The following VSTM4 variants were observed in gnomAD, a reference collection of about 807,000 sequenced individuals.
The protein encoded by VSTM4 is V-set and transmembrane domain-containing protein 4.
VSTM4 carries 20 observed loss-of-function variants against 36.4 expected under a neutral mutation model. The ratio of observed to expected loss-of-function variants is 0.55; its 90% CI spans 0.39 to 0.80. The LOEUF is 0.80. Among genes scored for constraint, VSTM4 ranks in the 30% least tolerant of loss-of-function variants. VSTM4 has a pLI of 0.00. For missense variants in VSTM4, 392 were observed against 404.5 expected (o/e 0.97, Z 0.26); for synonymous variants, 182 against 173.9 (o/e 1.05, Z -0.37).
intron 1 of VSTM4, 38 bp downstream of exon 1, chr10:49,115,393 C>A: frequency 9.9e-7 from 1 of 1,010,188 alleles, no homozygotes; most frequent in Non-Finnish European, 1.2e-6. Flanking sequence ...CGCCCGGCCC[C>A]CACCCTTCCC....
intron 4 of VSTM4, among the ~76,000 whole-genome samples, chr10:49,069,030 C>A (rs912330220): frequency 4.6e-5 from 7 of 152,158 alleles, no homozygotes; most frequent in African/African-American, 1.7e-4. Flanking sequence ...CACCCCCACC[C>A]TTTCTTCTTC....
intron 7 of VSTM4, among the ~76,000 whole-genome samples, chr10:49,030,664 G>A (rs374111745): frequency 6.6e-6 from 1 of 152,300 alleles, no homozygotes; most frequent in African/African-American, 2.4e-5. Flanking sequence ...AGGTCCTTGA[G>A]TCCAAAAAGT....
At chr10:49,097,864 G>T (rs1220694744) in intron 2 of VSTM4, among the ~76,000 whole-genome samples, 1 of 152,190 alleles carries the variant, frequency 6.6e-6, no homozygotes, top group African/African-American at 2.4e-5. Flanking sequence ...CTAAAATTGT[G>T]ACTCAACTAC....
intron 3 of VSTM4, among the ~76,000 whole-genome samples, chr10:49,085,160 C>A (rs1844347938): frequency 6.6e-6 from 1 of 152,370 alleles, no homozygotes; most frequent in East Asian, 1.9e-4. Flanking sequence ...TAAGCTAGGG[C>A]AGGGCACAGC....
intron 2 of VSTM4, among the ~76,000 whole-genome samples, chr10:49,093,130 T>G (rs1038662477): frequency 6.6e-6 from 1 of 152,188 alleles, no homozygotes; most frequent in Non-Finnish European, 1.5e-5. Flanking sequence ...AAGCCCTCTG[T>G]CCTTGAGACT....
At chr10:49,033,136 T>C (rs1443570654) in intron 7 of VSTM4, among the ~76,000 whole-genome samples, 3 of 152,146 alleles carry the variant, frequency 2.0e-5, no homozygotes, top group Non-Finnish European at 4.4e-5. Context: ...AGTGAAAAAT[T>C]AGAACAACCT....
intron 3 of VSTM4, among the ~76,000 whole-genome samples, chr10:49,084,475 G>A (rs1844335844): frequency 6.6e-6 from 1 of 152,236 alleles, no homozygotes; most frequent in African/African-American, 2.4e-5. Context: ...TCCTAAGACA[G>A]AATGTGTTTC....
At chr10:49,085,679 G>T (rs1688238589) in intron 3 of VSTM4, among the ~76,000 whole-genome samples, 1 of 152,114 alleles carries the variant, frequency 6.6e-6, no homozygotes. Context: ...TAAGAAGTTA[G>T]GGTCCTTTCT....
At chr10:49,072,838 C>A (rs1275940580) in intron 4 of VSTM4, among the ~76,000 whole-genome samples, 1 of 152,204 alleles carries the variant, frequency 6.6e-6, no homozygotes, top group Non-Finnish European at 1.5e-5. Flanking sequence ...GCTGAAGACA[C>A]ACAGATGACT....
chr10:49,024,195 C>T (rs869184074), intron 7 of VSTM4, among the ~76,000 whole-genome samples: 1 of 152,130 alleles, frequency 6.6e-6, no homozygotes, highest in Non-Finnish European at 1.5e-5. Context: ...AAATAAAGGC[C>T]TGGCATTTGT....
intron 4 of VSTM4, among the ~76,000 whole-genome samples, chr10:49,076,154 T>A (rs1844174640): frequency 6.6e-6 from 1 of 152,210 alleles, no homozygotes; most frequent in Admixed American, 6.5e-5. Flanking sequence ...ACAGAGTCAC[T>A]GTTGGAGTGG....
chr10:49,028,986 G>A (rs1029751933), intron 7 of VSTM4, among the ~76,000 whole-genome samples: 1 of 152,216 alleles, frequency 6.6e-6, no homozygotes, highest in Admixed American at 6.5e-5. Flanking sequence ...TGCAAGATAA[G>A]TGCTCATTTT....
At chr10:49,039,739 G>A (rs1389224249) in intron 7 of VSTM4, among the ~76,000 whole-genome samples, 2 of 152,186 alleles carry the variant, frequency 1.3e-5, no homozygotes, top group East Asian at 3.8e-4. Flanking sequence ...CCACCTTCCA[G>A]TTAATGTTGA....
Position 49,107,581 on chromosome 10 carries a change from C to T in VSTM4, c.457+13G>A. The T allele has an allele frequency of 6.3e-7, 1 of 1,592,930 alleles. No homozygotes were observed. The highest frequency in any genetic ancestry group is 8.6e-7 in the Non-Finnish European group (1 of 1,166,902). ...CCACCACCACCTCTACCCAGGGAGA[C>T]CAAGACCCTCACCTCTCATTTCCGT... On this transcript the variant is annotated intron_variant, in intron 2 of 7. Coordinates refer to ENST00000332853, the MANE Select transcript of VSTM4 (RefSeq NM_001031746.5).
At chr10:49,029,574 A>T (rs550763246) in intron 7 of VSTM4, among the ~76,000 whole-genome samples, 1 of 152,316 alleles carries the variant, frequency 6.6e-6, no homozygotes, top group East Asian at 1.9e-4. Context: ...GGCATCGCAA[A>T]TGCATGCTCA....
intron 5 of VSTM4, among the ~76,000 whole-genome samples, chr10:49,055,473 G>A (rs1361839806): frequency 6.6e-6 from 1 of 152,150 alleles, no homozygotes; most frequent in African/African-American, 2.4e-5. Context: ...AGGGGCATTG[G>A]TCTCCACAAC....
rs528892919 is a variant in VSTM4, at chr10:49,056,203, A to G, written c.669-7619T>C. 5.3e-5 allele frequency among the ~76,000 whole-genome samples: 8 copies of G among 152,378 alleles called. No homozygotes were observed. The East Asian group carries it at 1.5e-3, about 29-fold the overall frequency. On this transcript the variant is annotated intron_variant, in intron 5 of 7. Coordinates refer to ENST00000332853, the MANE Select transcript of VSTM4 (RefSeq NM_001031746.5). Reference sequence around the variant, plus strand: ...CCTTAGAGCCACAAGAAGCTCCTGCAGCCGCGAGGGAAGCTCTTCCTTTGT... The same window carrying G: ...CCTTAGAGCCACAAGAAGCTCCTGCGGCCGCGAGGGAAGCTCTTCCTTTGT...
Position 49,103,568 on chromosome 10 carries a change from G to A in VSTM4, c.457+4026C>T, listed in dbSNP as rs911022545. On this transcript the variant is annotated intron_variant, in intron 2 of 7. Coordinates refer to ENST00000332853, the MANE Select transcript of VSTM4 (RefSeq NM_001031746.5). ...ATATGGAAATCAGGACAGATAATAA[G>A]AGCCAACACTCCTATGGCTCTTCTC... is the stretch of plus-strand genomic sequence containing the variant. 1.9e-4 allele frequency: 258 copies of A among 1,385,920 alleles called. 1 individual carries two copies. The highest frequency in any genetic ancestry group is 2.7e-5 in the Non-Finnish European group (29 of 1,072,860). The allele number at this position is 1,385,920 out of a possible 1,614,324, so 85.9% of individuals were successfully genotyped here.
chr10:49,084,412 T>C (rs1360087420), intron 3 of VSTM4, among the ~76,000 whole-genome samples: 3 of 152,268 alleles, frequency 2.0e-5, no homozygotes, highest in African/African-American at 4.8e-5. Flanking sequence ...TAGAGGCCTA[T>C]GTGGGTGACA....
Sources: allele counts gnomAD v4.1 joint callset (sites outside exome capture counted in the v4.1 genomes callset), GRCh38; gene constraint gnomAD v4.1.1; transcripts MANE v1.5; gene names NCBI Gene and HGNC (gene_info 2026-07-23, HGNC 2026-07-21).